LHFPL6: variants seen among roughly 807,000 people sequenced by gnomAD.
The protein encoded by LHFPL6 is LHFPL tetraspan subfamily member 6 protein.
A neutral mutation model predicts 20.6 loss-of-function variants in LHFPL6; 9 were observed. That is an observed-to-expected ratio of 0.44 (90% CI 0.26 to 0.76). LHFPL6 has a LOEUF of 0.76. LHFPL6 is among the 30% of genes least tolerant of loss of function. LHFPL6 has a pLI of 0.20. For synonymous variants in LHFPL6, 105 were observed against 98.7 expected (o/e 1.06, Z -0.38); for missense variants, 218 against 253.5 (o/e 0.86, Z 0.95).
chr13:39,359,029 G>A (rs1256392176), intron 3 of LHFPL6, among the ~76,000 whole-genome samples: 1 of 151,066 alleles, frequency 6.6e-6, no homozygotes, highest in Non-Finnish European at 1.5e-5. Flanking sequence ...AATCAGCAGG[G>A]CGGGCGCCTG....
intron 2 of LHFPL6, among the ~76,000 whole-genome samples, chr13:39,487,408 A>G (rs1453911658): frequency 6.6e-6 from 1 of 152,176 alleles, no homozygotes; most frequent in Non-Finnish European, 1.5e-5. Context: ...ACATCAAGGG[A>G]TTCCTAAGTG....
At chr13:39,462,682 T>C (rs1872714341) in intron 2 of LHFPL6, among the ~76,000 whole-genome samples, 1 of 152,082 alleles carries the variant, frequency 6.6e-6, no homozygotes, top group Non-Finnish European at 1.5e-5. Context: ...GTTTTACAGA[T>C]AAGAAAACAA....
intron 2 of LHFPL6, among the ~76,000 whole-genome samples, chr13:39,502,386 A>G (rs1869320993): frequency 6.6e-6 from 1 of 152,124 alleles, no homozygotes; most frequent in African/African-American, 2.4e-5. Flanking sequence ...TGAGAGGCCA[A>G]TGCGGCAGGA....
At chr13:39,443,554 G>C (rs1039131696) in intron 2 of LHFPL6, among the ~76,000 whole-genome samples, 2 of 152,014 alleles carry the variant, frequency 1.3e-5, no homozygotes, top group Non-Finnish European at 2.9e-5. Flanking sequence ...GAGTGGTAAG[G>C]GCAATTCTGG....
chr13:39,480,756 C>G (rs1402951631), intron 2 of LHFPL6, among the ~76,000 whole-genome samples: 2 of 152,144 alleles, frequency 1.3e-5, no homozygotes, highest in Admixed American at 6.5e-5. Flanking sequence ...TACCATGGCA[C>G]AGACACAACA....
At chr13:39,471,097 C>T (rs993678647) in intron 2 of LHFPL6, among the ~76,000 whole-genome samples, 2 of 152,176 alleles carry the variant, frequency 1.3e-5, no homozygotes, top group African/African-American at 4.8e-5. Flanking sequence ...AATCAACAAC[C>T]ATCATGCAGT....
intron 2 of LHFPL6, among the ~76,000 whole-genome samples, chr13:39,549,757 A>G (rs1871093483): frequency 6.6e-6 from 1 of 152,154 alleles, no homozygotes; most frequent in Non-Finnish European, 1.5e-5. Flanking sequence ...AACTGAAAAG[A>G]AAATAGAACA....
intron 3 of LHFPL6, among the ~76,000 whole-genome samples, chr13:39,371,262 C>T (rs546461186): frequency 2.6e-5 from 4 of 152,168 alleles, no homozygotes; most frequent in African/African-American, 2.4e-5. Flanking sequence ...GGCAAAATAG[C>T]GAGACAAATT....
intron 2 of LHFPL6, among the ~76,000 whole-genome samples, chr13:39,450,224 C>T (rs1431282443): frequency 6.6e-6 from 1 of 152,056 alleles, no homozygotes; most frequent in East Asian, 1.9e-4. Context: ...AGCAGAGATA[C>T]AATAGTAGAC....
At chr13:39,366,137 T>C (rs1184449065) in intron 3 of LHFPL6, among the ~76,000 whole-genome samples, 1 of 152,202 alleles carries the variant, frequency 6.6e-6, no homozygotes, top group Non-Finnish European at 1.5e-5. Context: ...TTTCATAGCC[T>C]ATGACATATT....
intron 2 of LHFPL6, among the ~76,000 whole-genome samples, chr13:39,447,674 C>T (rs886159336): frequency 1.3e-5 from 2 of 152,194 alleles, no homozygotes; most frequent in African/African-American, 2.4e-5. Flanking sequence ...TCTTACCCAT[C>T]CACTTCTCAG....
chr13:39,570,353 C>T (rs1268878999), intron 2 of LHFPL6, among the ~76,000 whole-genome samples: 1 of 151,972 alleles, frequency 6.6e-6, no homozygotes, highest in East Asian at 1.9e-4. Context: ...CTATGTTGGC[C>T]AGGTTGGTCT....
chr13:39,598,793 G>A (rs908369045), intron 2 of LHFPL6, among the ~76,000 whole-genome samples: 4 of 152,016 alleles, frequency 2.6e-5, no homozygotes, highest in Admixed American at 6.6e-5. Context: ...TCCTGACCTC[G>A]TGATCCACCT....
At position 39,529,581 on chromosome 13, in the gene LHFPL6, T is replaced by C. The variant is rs192904100; in HGVS notation, c.385+71251A>G. On this transcript the variant is annotated intron_variant, in intron 2 of 3. Transcript: ENST00000379589. ...ACACTGTACTGCAAATATACAAATA[T>C]GTTCTCATTTAAAGTCTACAGACAC... is the stretch of plus-strand genomic sequence containing the variant. 1.4e-4 allele frequency among the ~76,000 whole-genome samples: 21 copies of C among 152,332 alleles called. No individual in the cohort carries two copies. The East Asian group carries it at 3.3e-3, about 24-fold the overall frequency.
intron 2 of LHFPL6, among the ~76,000 whole-genome samples, chr13:39,595,857 G>T (rs948623027): frequency 1.3e-5 from 2 of 152,174 alleles, no homozygotes; most frequent in African/African-American, 4.8e-5. Flanking sequence ...CAGAAGGACT[G>T]GCTCCTAGTG....
intron 2 of LHFPL6, among the ~76,000 whole-genome samples, chr13:39,439,255 G>T (rs1261463362): frequency 1.3e-5 from 2 of 152,212 alleles, no homozygotes; most frequent in African/African-American, 4.8e-5. Context: ...TGTAATGATT[G>T]CCCTGCTGGG....
chr13:39,469,776 C>G (rs1257643075), intron 2 of LHFPL6, among the ~76,000 whole-genome samples: 1 of 152,120 alleles, frequency 6.6e-6, no homozygotes. Flanking sequence ...TTTCTCAAAG[C>G]ATTTGCTGAA....
At position 39,519,243 on chromosome 13, in the gene LHFPL6, TA is replaced by T. The variant is rs386378887; in HGVS notation, c.385+81588del. Among the ~76,000 whole-genome samples, 8 of 103,936 alleles carry T rather than the reference TA, an allele frequency of 7.7e-5. No homozygotes were observed. The South Asian group carries it at 1.9e-3, about 24-fold the overall frequency. The allele number at this position is 103,936 out of a possible 152,430, so 68.2% of individuals were successfully genotyped here. On this transcript the variant is annotated intron_variant, in intron 2 of 3. Coordinates refer to ENST00000379589, the MANE Select transcript of LHFPL6 (RefSeq NM_005780.3). ...AAGAGCAAAACTCTGTCTCAAAAAATAAAAATAAAAAAAAAATCAGAGCCAA... is the reference window on the plus strand; with the variant it reads ...AAGAGCAAAACTCTGTCTCAAAAAATAAAATAAAAAAAAAATCAGAGCCAA...
chr13:39,550,767 T>C (rs1357659849), intron 2 of LHFPL6, among the ~76,000 whole-genome samples: 2 of 152,150 alleles, frequency 1.3e-5, no homozygotes, highest in African/African-American at 4.8e-5. Flanking sequence ...AAGTTAACAA[T>C]GGGCTTTACA....
Sources: gnomAD v4.1 joint callset for allele counts (sites outside exome capture counted in the v4.1 genomes callset) on GRCh38, gnomAD v4.1.1 for gene constraint, MANE v1.5 for transcripts, NCBI Gene and HGNC (gene_info 2026-07-23, HGNC 2026-07-21) for gene names.